Variants in SETD4 observed in about 807,000 individuals in gnomAD.
SETD4 encodes the protein SET domain-containing protein 4.
In SETD4, 46 loss-of-function variants were observed where a neutral mutation model predicts 58.3. The ratio of observed to expected loss-of-function variants is 0.79; its 90% CI spans 0.62 to 1.01. SETD4 has a LOEUF of 1.01. SETD4 is among the 50% of genes least tolerant of loss of function. The probability of loss-of-function intolerance (pLI) is 0.00; values close to 1 mark genes in which losing one functional copy is unlikely to be tolerated. For synonymous variants in SETD4, 190 were observed against 202.6 expected (o/e 0.94, Z 0.53); for missense variants, 490 against 523.3 (o/e 0.94, Z 0.62).
In SETD4 at chr21:36,047,834, C is replaced by CAAAAA. The variant is rs34827028; in HGVS notation, c.296+469_296+473dup. Among the ~76,000 whole-genome samples the CAAAAA allele has an allele frequency of 2.4e-3, 169 of 70,902 alleles. 1 individual carries two copies. Among genetic ancestry groups the CAAAAA allele is most frequent in the African/African-American group, 8.6e-3 (156 of 18,070 alleles). The allele number at this position is 70,902 out of a possible 152,430, so 46.5% of individuals were successfully genotyped here. A position where few individuals can be genotyped will look rare whatever the true frequency, so the allele number is the denominator to read the frequency against. On this transcript the variant is annotated intron_variant, in intron 5 of 11. Coordinates refer to ENST00000332131, the MANE Select transcript of SETD4 (RefSeq NM_017438.5). ...TGAAACCCTGTCTCTACTAAAAATA[C>CAAAAA]AAAAAAAAAAAAAAAAAAAAAATTA...
chr21:36,046,364 G>GTAAAGATA (rs2064329571), intron 5 of SETD4, among the ~76,000 whole-genome samples: 1 of 152,200 alleles, frequency 6.6e-6, no homozygotes, highest in African/African-American at 2.4e-5. Context: ...TCTCACCTAT[G>GTAAAGATA]TAAAGATATA....
chr21:36,059,547 G>T, intron 1 of SETD4: 1 of 180,102 alleles, frequency 5.6e-6, no homozygotes, highest in Non-Finnish European at 1.1e-5. Flanking sequence ...AATCAGCCGG[G>T]CGTGGTGGCA....
In SETD4 at chr21:36,058,802, A is replaced by T; in HGVS notation, c.73+14T>A. 1.3e-6 allele frequency: 2 copies of T among 1,586,284 alleles called. No homozygotes were observed. Among genetic ancestry groups the T allele is most frequent in the Non-Finnish European group, 1.7e-6 (2 of 1,171,478 alleles). On this transcript the variant is annotated intron_variant, in intron 2 of 11. Coordinates refer to ENST00000332131, the MANE Select transcript of SETD4 (RefSeq NM_017438.5). ...TTTCTTTTTTCATTACTGGTACTAAAAGAAAAACCATACCTCCTCTTGATT... is the reference window on the plus strand; with the variant it reads ...TTTCTTTTTTCATTACTGGTACTAATAGAAAAACCATACCTCCTCTTGATT...
chr21:36,041,515 C>A (rs935880985), intron 8 of SETD4, among the ~76,000 whole-genome samples: 1 of 152,206 alleles, frequency 6.6e-6, no homozygotes, highest in South Asian at 2.1e-4. Context: ...ACAAGGGAGA[C>A]AGACTCACCC....
Position 36,035,268 on chromosome 21 carries a change from C to T in SETD4, c.*725G>A, listed in dbSNP as rs926330129. 1 of 152,438 alleles carries T rather than the reference C, an allele frequency of 6.6e-6. No individual in the cohort carries two copies. Among genetic ancestry groups the T allele is most frequent in the African/African-American group, 2.4e-5 (1 of 41,428 alleles). 9.4% of individuals were successfully genotyped at this position (152,438 alleles called of 1,614,324 possible). A position where few individuals can be genotyped will look rare whatever the true frequency, so the allele number is the denominator to read the frequency against. On this transcript the variant is annotated 3_prime_UTR_variant, in exon 12 of 12. Transcript: ENST00000332131. Reference sequence around the variant, plus strand: ...AATAAGAACAGAAGCCAAACCACCACCATGGTTCGCCATCAGCTGACCTAC... The same window carrying T: ...AATAAGAACAGAAGCCAAACCACCATCATGGTTCGCCATCAGCTGACCTAC...
chr21:36,041,991 C>T, intron 7 of SETD4, 103 bp from the exon 8 acceptor site: 1 of 594,836 alleles, frequency 1.7e-6, no homozygotes, highest in Non-Finnish European at 2.9e-6. Flanking sequence ...GCAACCCAGA[C>T]ATGCATAAAC....
chr21:36,050,510 G>A lies in SETD4; in HGVS notation c.208-2114C>T. On this transcript the variant is annotated intron_variant, in intron 4 of 11. Transcript: ENST00000332131. The stretch of plus-strand genomic sequence containing the variant: ...CTGTTTTGCGCCATCTAGAGAAGAT[G>A]GGATGCCAGTTAATGAACCGACTTC... The A allele has an allele frequency of 4.3e-6, 7 of 1,613,792 alleles. No homozygotes were observed. In the South Asian group the frequency reaches 6.6e-5, roughly 15 times the overall value.
intron 2 of SETD4, among the ~76,000 whole-genome samples, chr21:36,057,928 A>G (rs900525346): frequency 6.6e-6 from 1 of 152,230 alleles, no homozygotes; most frequent in Non-Finnish European, 1.5e-5. Flanking sequence ...CTTGTACCAT[A>G]TCCAGTTGGA....
At chr21:36,046,197 G>T (rs2064321731) in intron 5 of SETD4, among the ~76,000 whole-genome samples, 186 bp from the exon 6 acceptor site, 1 of 152,174 alleles carries the variant, frequency 6.6e-6, no homozygotes, top group Non-Finnish European at 1.5e-5. Flanking sequence ...CACAGCCCCA[G>T]TGCTAGTGCT....
At chr21:36,050,561 G>C in intron 4 of SETD4, 1 of 1,614,002 alleles carries the variant, frequency 6.2e-7, no homozygotes, top group Non-Finnish European at 8.5e-7. Context: ...GCGTTAATAA[G>C]TTCTGGACAT....
At chr21:36,056,966 G>A in intron 3 of SETD4, 143 bp downstream of exon 3, 2 of 680,618 alleles carry the variant, frequency 2.9e-6, no homozygotes, top group East Asian at 5.0e-5. Flanking sequence ...CCATACACAG[G>A]GGACTCCTCC....
At chr21:36,058,517 AAAAAG>A (rs2065103567) in intron 2 of SETD4, among the ~76,000 whole-genome samples, 4 of 137,062 alleles carry the variant, frequency 2.9e-5, no homozygotes, top group African/African-American at 2.6e-5. Context: ...AAAAAAAAAA[AAAAAG>A]AAAGATTCTC....
intron 3 of SETD4, among the ~76,000 whole-genome samples, chr21:36,056,769 G>A (rs1450583564): frequency 6.6e-6 from 1 of 152,026 alleles, no homozygotes; most frequent in Non-Finnish European, 1.5e-5. Flanking sequence ...TGTTGGCCAG[G>A]CTGGTCTCAA....
chr21:36,050,905 G>A (rs2064645889), intron 4 of SETD4: 1 of 1,610,624 alleles, frequency 6.2e-7, no homozygotes, highest in Non-Finnish European at 8.5e-7. Flanking sequence ...CAAAGCAACT[G>A]CTCATTAGGT....
chr21:36,056,108 C>G (rs2064970097), intron 3 of SETD4, among the ~76,000 whole-genome samples: 1 of 152,106 alleles, frequency 6.6e-6, no homozygotes, highest in African/African-American at 2.4e-5. Flanking sequence ...GAAAATGGCT[C>G]AAATCAAGCA....
chr21:36,051,221 C>T, intron 4 of SETD4: 2 of 1,606,278 alleles, frequency 1.2e-6, no homozygotes, highest in Non-Finnish European at 1.7e-6. Flanking sequence ...AGCTGGGTCC[C>T]CCAGCCAGCA....
intron 5 of SETD4, among the ~76,000 whole-genome samples, chr21:36,047,117 T>C (rs535017457): frequency 6.6e-4 from 101 of 152,212 alleles, no homozygotes; most frequent in Admixed American, 2.1e-3. Flanking sequence ...TAGCAGGGCA[T>C]GGTGGCGCAC....
intron 7 of SETD4, chr21:36,043,036 G>C (rs1237067536): frequency 6.6e-6 from 1 of 152,206 alleles, no homozygotes; most frequent in Non-Finnish European, 1.5e-5. Flanking sequence ...GCTGAGACAG[G>C]TAGATCACTT....
At chr21:36,037,123 CA>C (rs35522218) in intron 10 of SETD4, among the ~76,000 whole-genome samples, 6,394 of 152,210 alleles carry the variant, frequency 0.042, 198 homozygotes, top group Non-Finnish European at 0.061. Context: ...GTGGTGACTA[CA>C]GTTAATAACA....
Sources: gnomAD v4.1 joint callset for allele counts (sites outside exome capture counted in the v4.1 genomes callset) on GRCh38, gnomAD v4.1.1 for gene constraint, MANE v1.5 for transcripts, NCBI Gene and HGNC (gene_info 2026-07-23, HGNC 2026-07-21) for gene names.